Variants in PDE3A observed in about 807,000 individuals in gnomAD.
PDE3A encodes cGMP-inhibited 3',5'-cyclic phosphodiesterase 3A.
In PDE3A, 43 loss-of-function variants were observed where a neutral mutation model predicts 98.3. That is an observed-to-expected ratio of 0.44 (90% CI 0.34 to 0.56). The LOEUF is 0.56. PDE3A is among the 20% of genes least tolerant of loss of function. PDE3A has a pLI of 0.01. For synonymous variants in PDE3A, 663 were observed against 567.9 expected (o/e 1.17, Z -2.38); for missense variants, 1,427 against 1,440.7 (o/e 0.99, Z 0.15).
At chr12:20,610,832 A>T (rs971809987) in intron 2 of PDE3A, among the ~76,000 whole-genome samples, 2 of 152,072 alleles carry the variant, frequency 1.3e-5, no homozygotes, top group Middle Eastern at 3.4e-3. Context: ...CTTAATTTTT[A>T]AAAAAGGTCG....
chr12:20,468,497 A>G (rs1945381996), intron 1 of PDE3A, among the ~76,000 whole-genome samples: 1 of 152,344 alleles, frequency 6.6e-6, no homozygotes, highest in East Asian at 1.9e-4. Context: ...TTAGAAATGT[A>G]GTAAATTCTT....
intron 1 of PDE3A, among the ~76,000 whole-genome samples, chr12:20,475,952 A>G (rs1945525263): frequency 6.6e-6 from 1 of 152,214 alleles, no homozygotes. Flanking sequence ...GGGGGCGAGA[A>G]GCCATAAGCA....
intron 1 of PDE3A, among the ~76,000 whole-genome samples, chr12:20,462,289 G>A (rs905237141): frequency 1.3e-5 from 2 of 152,080 alleles, no homozygotes; most frequent in Non-Finnish European, 2.9e-5. Flanking sequence ...TCAGGAGTTC[G>A]AGACCAGCCT....
At chr12:20,473,595 T>C (rs972487442) in intron 1 of PDE3A, among the ~76,000 whole-genome samples, 2 of 152,192 alleles carry the variant, frequency 1.3e-5, no homozygotes, top group Non-Finnish European at 1.5e-5. Flanking sequence ...TGCTCTACCC[T>C]GATCCCATAC....
At chr12:20,644,570 G>C (rs1944726466) in intron 10 of PDE3A, among the ~76,000 whole-genome samples, 1 of 152,060 alleles carries the variant, frequency 6.6e-6, no homozygotes, top group Non-Finnish European at 1.5e-5. Context: ...GAAAATTCTA[G>C]TATGATCAAT....
chr12:20,676,202 TATC>T (rs1398221440), intron 15 of PDE3A, among the ~76,000 whole-genome samples: 1 of 152,196 alleles, frequency 6.6e-6, no homozygotes, highest in Non-Finnish European at 1.5e-5. Flanking sequence ...TAATGATAGA[TATC>T]ATCCTTTTGC....
intron 1 of PDE3A, among the ~76,000 whole-genome samples, chr12:20,437,778 A>G (rs1020593734): frequency 1.3e-5 from 2 of 152,144 alleles, no homozygotes; most frequent in African/African-American, 4.8e-5. Flanking sequence ...TTAGAGGGGT[A>G]AGATATCCAA....
At chr12:20,580,055 A>G (rs1369393964) in intron 2 of PDE3A, among the ~76,000 whole-genome samples, 1 of 152,202 alleles carries the variant, frequency 6.6e-6, no homozygotes, top group Non-Finnish European at 1.5e-5. Flanking sequence ...TGGTAAATAT[A>G]AAAACAAACA....
intron 1 of PDE3A, among the ~76,000 whole-genome samples, chr12:20,477,483 T>C (rs1945551191): frequency 1.3e-5 from 2 of 152,294 alleles, no homozygotes; most frequent in South Asian, 4.1e-4. Context: ...AATACTTTTT[T>C]TTTGGTAGAG....
rs116717220 is a variant in PDE3A, at chr12:20,647,511, T to C, written c.2565+561T>C. 3.4e-3 allele frequency among the ~76,000 whole-genome samples: 511 copies of C among 152,204 alleles called. 3 individuals carry two copies. Among genetic ancestry groups the C allele is most frequent in the African/African-American group, 0.011 (470 of 41,558 alleles). The stretch of plus-strand genomic sequence containing the variant: ...TTGGTGTATAGTTCTAAGTAAAAAA[T>C]TCATCACTAAGTATGTAGACATACC... On this transcript the variant is annotated intron_variant, in intron 12 of 15. Coordinates refer to ENST00000359062, the MANE Select transcript of PDE3A (RefSeq NM_000921.5).
chr12:20,427,591 A>G (rs771824159), intron 1 of PDE3A, among the ~76,000 whole-genome samples: 6 of 152,150 alleles, frequency 3.9e-5, no homozygotes, highest in Non-Finnish European at 7.4e-5. Context: ...ACATTGGTTT[A>G]TGTTCAATTT....
intron 2 of PDE3A, among the ~76,000 whole-genome samples, chr12:20,572,624 A>C (rs2121315379): frequency 6.6e-6 from 1 of 152,216 alleles, no homozygotes; most frequent in African/African-American, 2.4e-5. Context: ...TAGCATATTT[A>C]GAATTTTTGA....
intron 1 of PDE3A, among the ~76,000 whole-genome samples, chr12:20,542,376 A>G (rs1941936975): frequency 6.6e-6 from 1 of 151,938 alleles, no homozygotes; most frequent in Non-Finnish European, 1.5e-5. Context: ...ATTTCTAAAA[A>G]AGGAGTTTAA....
At chr12:20,645,353 A>G (rs1944753074) in intron 10 of PDE3A, among the ~76,000 whole-genome samples, 5 of 152,104 alleles carry the variant, frequency 3.3e-5, no homozygotes, top group Admixed American at 3.3e-4. Context: ...AGGTGCTACA[A>G]TTGCCACATT....
At chr12:20,572,017 T>C (rs756335820) in intron 2 of PDE3A, 8 of 1,101,898 alleles carry the variant, frequency 7.3e-6, no homozygotes, top group Non-Finnish European at 8.9e-6. Flanking sequence ...TGCTTTTAAT[T>C]GGAGGATAGC....
Position 20,552,100 on chromosome 12 carries a change from A to T in PDE3A, c.961-4560A>T. The T allele has an allele frequency of 6.2e-7, 1 of 1,613,014 alleles. No homozygotes were observed. Among genetic ancestry groups the T allele is most frequent in the Non-Finnish European group, 8.5e-7 (1 of 1,179,894 alleles). On this transcript the variant is annotated intron_variant, in intron 1 of 15. Transcript: ENST00000359062. This position sits in a 1 kb window ranked among gnomAD's most constrained non-coding sequence, Gnocchi z 5.1. ...TGGTCGAGAGCTTTCCGGCAACAAG[A>T]GGACCGCGGAACAGTCTTGTGATCA...
chr12:20,631,700 A>ATTTTTTTTT (rs58133440), intron 6 of PDE3A, among the ~76,000 whole-genome samples: 11 of 116,876 alleles, frequency 9.4e-5, no homozygotes, highest in East Asian at 3.0e-4. Flanking sequence ...ATCATAGTGT[A>ATTTTTTTTT]TTTTTTTTTT....
chr12:20,459,493 T>C (rs1240270231), intron 1 of PDE3A, among the ~76,000 whole-genome samples: 2 of 152,184 alleles, frequency 1.3e-5, no homozygotes, highest in African/African-American at 2.4e-5. Context: ...ATTAGCATAA[T>C]TTCTATCTTT....
At chr12:20,542,765 G>C (rs1241822173) in intron 1 of PDE3A, among the ~76,000 whole-genome samples, 1 of 151,898 alleles carries the variant, frequency 6.6e-6, no homozygotes, top group Non-Finnish European at 1.5e-5. Context: ...TCTAAGAAAG[G>C]AGATCAATTT....
Sources: gnomAD v4.1 joint callset for allele counts (sites outside exome capture counted in the v4.1 genomes callset) on GRCh38, gnomAD v4.1.1 for gene constraint, Gnocchi (gnomAD v3.1) non-coding constraint, MANE v1.5 for transcripts, NCBI Gene and HGNC (gene_info 2026-07-23, HGNC 2026-07-21) for gene names.